The following NUP98 variants were observed in gnomAD, a reference collection of about 807,000 sequenced individuals.
NUP98 encodes the protein nuclear pore complex protein Nup98-Nup96.
A neutral mutation model predicts 191.9 loss-of-function variants in NUP98; 26 were observed. That is an observed-to-expected ratio of 0.14 (90% CI 0.10 to 0.19). The LOEUF (loss-of-function observed/expected upper bound fraction) is 0.19. NUP98 is among the 10% of genes least tolerant of loss of function. The probability of loss-of-function intolerance (pLI) is 1.00; values close to 1 mark genes in which losing one functional copy is unlikely to be tolerated. For missense variants in NUP98, 1,941 were observed against 2,178.8 expected, an observed-to-expected ratio of 0.89 and a Z score of 2.17; for synonymous variants, 808 against 778.4, an observed-to-expected ratio of 1.04 and a Z score of -0.63.
chr11:3,719,616 T>C (rs760766313), intron 17 of NUP98, 66 bp from the exon 18 acceptor site: 39 of 1,176,202 alleles, frequency 3.3e-5, no homozygotes, highest in Admixed American at 2.3e-4. Context: ...TTTACAACTA[T>C]AGTGATTAAA....
Position 3,725,175 on chromosome 11 carries a change from TTGC to T in NUP98, c.1772_1774del (p.Ser591del), listed in dbSNP as rs756082182. ...ATCACGATTAACAGGAGAAAAGAGA[TTGC>T]TATTATTAAGGTTCTTCAAAACCAA... On this transcript the variant is annotated inframe_deletion, in exon 15 of 33. Coordinates refer to ENST00000324932, the MANE Select transcript of NUP98 (RefSeq NM_016320.5). 349 of 1,600,590 alleles carry T rather than the reference TTGC, an allele frequency of 2.2e-4. No individual in the cohort carries two copies. Among genetic ancestry groups the T allele is most frequent in the Non-Finnish European group, 2.8e-4 (330 of 1,169,316 alleles).
intron 10 of NUP98, 163 bp downstream of exon 10, chr11:3,760,376 G>A (rs1396771567): frequency 1.0e-6 from 1 of 995,290 alleles, no homozygotes; most frequent in East Asian, 2.4e-5. Context: ...TTCACATCAA[G>A]CTACCGCTTA....
chr11:3,712,642 C>T lies in NUP98; in HGVS notation c.2664G>A (p.Lys888=), dbSNP rs2079053733. 6.2e-7 allele frequency: 1 copy of T among 1,613,844 alleles called. No individual in the cohort carries two copies. Among genetic ancestry groups the T allele is most frequent in the Non-Finnish European group, 8.5e-7 (1 of 1,180,002 alleles). The change falls in exon 20 of 33, where the codon AAG becomes AAA. Residue 888 remains lysine, a synonymous_variant. Coordinates refer to ENST00000324932, the MANE Select transcript of NUP98 (RefSeq NM_016320.5). The part of the protein sequence containing the change: ...HPSKTSTKKL[K]TAPLPPASQT... ...GGCTTGCAGGAGGCAAAGGAGCAGT[C>T]TTCAACTTCTTTGTACTAGTTTTAG... is the stretch of plus-strand genomic sequence containing the variant.
In NUP98 at chr11:3,713,983, A is replaced by T. The variant is rs769832676; in HGVS notation, c.2412T>A (p.Val804=). ...VGEGLNRKAE[V]TLDGVWPTDK... ...CTGTTGGCCAAACTCCATCCAATGTAACTTCAGCCTTCCTGTAAAACATAA... is the reference window on the plus strand; with the variant it reads ...CTGTTGGCCAAACTCCATCCAATGTTACTTCAGCCTTCCTGTAAAACATAA... The change falls in exon 19 of 33, where the codon GTT becomes GTA. Residue 804 remains valine (V), a synonymous_variant. Transcript: ENST00000324932. 6.2e-6 allele frequency: 10 copies of T among 1,614,044 alleles called. No homozygotes were observed. In the East Asian group the frequency reaches 2.2e-4, roughly 36 times the overall value.
intron 20 of NUP98, among the ~76,000 whole-genome samples, chr11:3,707,192 T>C (rs1017839734): frequency 3.3e-5 from 5 of 152,192 alleles, no homozygotes; most frequent in Non-Finnish European, 5.9e-5. Flanking sequence ...GAGCACTATC[T>C]ACTCTTCCAA....
intron 28 of NUP98, 103 bp from the exon 29 acceptor site, chr11:3,686,297 G>A (rs142235407): frequency 3.1e-4 from 303 of 993,176 alleles, no homozygotes; most frequent in Non-Finnish European, 4.3e-4. Context: ...GAACCTGAGA[G>A]TGAAAGCATT....
At position 3,709,569 on chromosome 11, in the gene NUP98, A is replaced by C. The variant is rs535763446; in HGVS notation, c.2743-2942T>G. ...ATAAATAAATAAATTAGCTGGCATG[A>C]TGGCATGCACCTGCAGTCCCAGTTA... On this transcript the variant is annotated intron_variant, in intron 20 of 32. Coordinates refer to ENST00000324932, the MANE Select transcript of NUP98 (RefSeq NM_016320.5). Among the ~76,000 whole-genome samples, 5 of 151,574 alleles carry C rather than the reference A, an allele frequency of 3.3e-5. No homozygotes were observed. In the South Asian group the frequency reaches 1.0e-3, roughly 32 times the overall value.
rs755779071 is a variant in NUP98 at position 3,778,969 on chromosome 11, T to A, written c.259A>T (p.Thr87Ser). 3.7e-5 allele frequency: 60 copies of A among 1,614,126 alleles called. No homozygotes were observed. The highest frequency in any genetic ancestry group is 4.5e-5 in the Non-Finnish European group (53 of 1,180,060). ...GCAGTTCCAAACAAGGTATTTGCTG[T>A]TCCTGTTGACGTACCAAACCCAAAG... ...TGFGFGTSTG[T>S]ANTLFGTAST... is the part of the protein sequence containing the mutation. The change falls in exon 4 of 33, where the codon ACA (threonine) becomes TCA (serine). Residue 87 changes from threonine (T) to serine (S), a missense_variant. Around this residue, in one of 6 missense-constraint regions of NUP98, gnomAD observed 154 missense variants for 182.9 expected, o/e 0.84. Coordinates refer to ENST00000324932, the MANE Select transcript of NUP98 (RefSeq NM_016320.5).
At chr11:3,793,910 G>A (rs373547071) in intron 1 of NUP98, among the ~76,000 whole-genome samples, 10 of 151,924 alleles carry the variant, frequency 6.6e-5, no homozygotes, top group South Asian at 2.1e-4. Flanking sequence ...CGGAGGTTGC[G>A]GTGAGCCAAG....
intron 18 of NUP98, among the ~76,000 whole-genome samples, chr11:3,717,693 C>T (rs1038364388): frequency 2.6e-5 from 4 of 152,166 alleles, no homozygotes; most frequent in African/African-American, 9.7e-5. Flanking sequence ...CTGACCAGGA[C>T]TTGCAGTAGT....
At chr11:3,689,133 T>C (rs2078226551) in intron 28 of NUP98, among the ~76,000 whole-genome samples, 1 of 152,024 alleles carries the variant, frequency 6.6e-6, no homozygotes, top group Non-Finnish European at 1.5e-5. Context: ...CTCAGGAGGC[T>C]GAGGTGAAAG....
At chr11:3,765,584 G>A (rs1039881718) in intron 8 of NUP98, among the ~76,000 whole-genome samples, 1 of 152,104 alleles carries the variant, frequency 6.6e-6, no homozygotes, top group African/African-American at 2.4e-5. Context: ...CGGATCATTT[G>A]AGGTCAGGTG....
intron 10 of NUP98, among the ~76,000 whole-genome samples, chr11:3,754,748 T>C (rs1436218188): frequency 6.6e-6 from 1 of 151,964 alleles, no homozygotes; most frequent in Non-Finnish European, 1.5e-5. Flanking sequence ...TCAACGCCAG[T>C]CTGGCCAACA....
chr11:3,788,066 T>C (rs1324270580), intron 1 of NUP98, among the ~76,000 whole-genome samples: 2 of 152,164 alleles, frequency 1.3e-5, no homozygotes, highest in African/African-American at 4.8e-5. Context: ...TCAGCTGCTT[T>C]TAGTTATGCA....
intron 30 of NUP98, among the ~76,000 whole-genome samples, chr11:3,680,941 G>C (rs1221640842): frequency 6.6e-6 from 1 of 152,068 alleles, no homozygotes; most frequent in Non-Finnish European, 1.5e-5. Context: ...GCTCACTGCA[G>C]CCTCAACCTC....
chr11:3,778,011 A>G (rs2081808360), intron 4 of NUP98, among the ~76,000 whole-genome samples: 1 of 151,948 alleles, frequency 6.6e-6, no homozygotes, highest in Non-Finnish European at 1.5e-5. Context: ...ATCCTGGCTA[A>G]CATGGTGAAA....
At chr11:3,769,575 C>CAAAAAAA (rs34035817) in intron 7 of NUP98, among the ~76,000 whole-genome samples, 1 of 61,694 alleles carries the variant, frequency 1.6e-5, no homozygotes, top group Non-Finnish European at 3.2e-5. Flanking sequence ...GATTCTGTCT[C>CAAAAAAA]AAAAAAAAAA....
chr11:3,769,965 C>T (rs2081470693), intron 7 of NUP98, among the ~76,000 whole-genome samples: 1 of 151,144 alleles, frequency 6.6e-6, no homozygotes, highest in Non-Finnish European at 1.5e-5. Flanking sequence ...ATCGCTTGAA[C>T]CCAGGAGGTG....
chr11:3,683,639 A>G (rs566137666), intron 29 of NUP98, among the ~76,000 whole-genome samples, 198 bp from the exon 30 acceptor site: 2 of 152,034 alleles, frequency 1.3e-5, no homozygotes, highest in East Asian at 3.9e-4. Context: ...CCCAGGTTCA[A>G]GTGATTCTCC....
Sources: allele counts gnomAD v4.1 joint callset (sites outside exome capture counted in the v4.1 genomes callset), GRCh38; gene constraint gnomAD v4.1.1; regional missense constraint gnomAD v4.1.1; transcripts MANE v1.5; gene names NCBI Gene and HGNC (gene_info 2026-07-23, HGNC 2026-07-21).